Variants in KIF5C observed in about 807,000 individuals in gnomAD.
The protein encoded by KIF5C is kinesin heavy chain isoform 5C.
Under a neutral mutation model 125.2 loss-of-function variants are expected in KIF5C, and 18 were observed. The observed-to-expected ratio is 0.14, with a 90% CI of 0.10 to 0.21. KIF5C has a LOEUF of 0.21. Among genes scored for constraint, KIF5C ranks in the 10% least tolerant of loss-of-function variants. The pLI, the probability that KIF5C is intolerant of heterozygous loss-of-function variation, is 1.00. For missense variants in KIF5C, 780 were observed against 1,183.8 expected, an observed-to-expected ratio of 0.66 and a Z score of 5.01; for synonymous variants, 405 against 434.0, an observed-to-expected ratio of 0.93 and a Z score of 0.83.
Position 149,026,091 on chromosome 2 carries a change from TAAC to T in KIF5C, c.*3024_*3026del, listed in dbSNP as rs1314058753. On this transcript the variant is annotated 3_prime_UTR_variant, in exon 26 of 26. Coordinates refer to ENST00000435030, the MANE Select transcript of KIF5C (RefSeq NM_004522.3). ...AAATAACAAAGCAAATAAAAGTTCT[TAAC>T]AATCCCCTCTTTCGAAGTGCATTTT... 6.6e-6 allele frequency: 1 copy of T among 152,632 alleles called. No homozygotes were observed. The highest frequency in any genetic ancestry group is 1.5e-5 in the Non-Finnish European group (1 of 68,038). The allele number at this position is 152,632 out of a possible 1,614,324, so 9.5% of individuals were successfully genotyped here. A position where few individuals can be genotyped will look rare whatever the true frequency, so the allele number is the denominator to read the frequency against.
chr2:148,969,530 T>TC, intron 11 of KIF5C, among the ~76,000 whole-genome samples: 1 of 145,778 alleles, frequency 6.9e-6, no homozygotes, highest in African/African-American at 2.8e-5. Flanking sequence ...ACAGCAGGTA[T>TC]AAGCCTCCGG....
At chr2:148,997,473 C>T (rs1222134957) in intron 18 of KIF5C, 133 bp downstream of exon 18, 1 of 1,481,100 alleles carries the variant, frequency 6.8e-7, no homozygotes, top group African/African-American at 1.4e-5. Context: ...TGTTGTTGGG[C>T]ATTCAGAGTC....
intron 2 of KIF5C, among the ~76,000 whole-genome samples, 168 bp from the exon 3 acceptor site, chr2:148,929,113 T>C (rs1682111576): frequency 1.3e-5 from 2 of 152,240 alleles, no homozygotes; most frequent in Non-Finnish European, 2.9e-5. Context: ...TTCTTTCCAT[T>C]TGTAGAACAA....
intron 1 of KIF5C, 120 bp downstream of exon 1, chr2:148,875,863 C>T: frequency 1.4e-6 from 2 of 1,394,304 alleles, no homozygotes; most frequent in Middle Eastern, 5.2e-4. Context: ...GGGCTGGCCT[C>T]TCGGGTGGAC....
intron 3 of KIF5C, among the ~76,000 whole-genome samples, chr2:148,931,148 AAACAACAAC>A (rs533357706): frequency 6.6e-6 from 1 of 152,044 alleles, no homozygotes; most frequent in African/African-American, 2.4e-5. Context: ...ATATAATGCC[AAACAACAAC>A]AACAACAACA....
chr2:149,010,472 G>T, intron 24 of KIF5C, 121 bp downstream of exon 24: 1 of 1,439,866 alleles, frequency 6.9e-7, no homozygotes, highest in Non-Finnish European at 9.1e-7. Context: ...CTGGGTTGGA[G>T]CCCGCAGGAC....
chr2:148,882,629 C>T lies in KIF5C; in HGVS notation c.126+6886C>T, dbSNP rs865839219. 5.3e-5 allele frequency among the ~76,000 whole-genome samples: 8 copies of T among 152,304 alleles called. No individual in the cohort carries two copies. The Middle Eastern group carries it at 0.014, about 259-fold the overall frequency. On this transcript the variant is annotated intron_variant, in intron 1 of 25. Transcript: ENST00000435030. ...CAGCTGCTCACATCAACCCAAATGC[C>T]TGGGGAGACTGTCCTCAAAGCTCAC...
intron 25 of KIF5C, among the ~76,000 whole-genome samples, chr2:149,021,615 G>A (rs977007900): frequency 2.0e-5 from 3 of 151,966 alleles, no homozygotes; most frequent in East Asian, 1.9e-4. Context: ...GCATGGTAGC[G>A]GGAATCTGAG....
At chr2:148,998,374 C>T in intron 18 of KIF5C, 26 bp from the exon 19 acceptor site, 1 of 1,553,524 alleles carries the variant, frequency 6.4e-7, no homozygotes, top group Non-Finnish European at 8.7e-7. Flanking sequence ...GAGTAGATGA[C>T]ATGTTTCTCT....
At chr2:148,925,955 C>T (rs998215110) in intron 2 of KIF5C, among the ~76,000 whole-genome samples, 4 of 152,154 alleles carry the variant, frequency 2.6e-5, no homozygotes, top group South Asian at 2.1e-4. Context: ...TCAGCAGGAC[C>T]GCCTCATCAT....
rs1029007543 is a variant in KIF5C at position 149,005,493 on chromosome 2, A to G, written c.2445+29A>G. The G allele has an allele frequency of 1.9e-6, 3 of 1,611,398 alleles. No individual in the cohort carries two copies. The African/African-American group carries it at 4.0e-5, about 21-fold the overall frequency. ...AGTTCTCTTTGTCTGAATGGGACTG[A>G]GAAGAAAATCAAAGATGGCAGGGAA... On this transcript the variant is annotated intron_variant, in intron 22 of 25. Transcript: ENST00000435030.
In KIF5C at chr2:148,896,925, C is replaced by T. The variant is rs569267645; in HGVS notation, c.126+21182C>T. Among the ~76,000 whole-genome samples the T allele has an allele frequency of 1.9e-3, 287 of 152,218 alleles. 1 individual carries two copies. Among genetic ancestry groups the T allele is most frequent in the South Asian group, 4.4e-3 (21 of 4,820 alleles). On this transcript the variant is annotated intron_variant, in intron 1 of 25. Coordinates refer to ENST00000435030, the MANE Select transcript of KIF5C (RefSeq NM_004522.3). Reference sequence around the variant, plus strand: ...AGGGCTCACTGCAGCCTCCAGCTCCCAGGTTCAGGCGATTCTCCTGCCTCA... The same window carrying T: ...AGGGCTCACTGCAGCCTCCAGCTCCTAGGTTCAGGCGATTCTCCTGCCTCA...
intron 19 of KIF5C, among the ~76,000 whole-genome samples, chr2:148,999,161 C>G (rs1681772472): frequency 6.6e-6 from 1 of 152,204 alleles, no homozygotes; most frequent in Non-Finnish European, 1.5e-5. Context: ...GCCCTCTGCT[C>G]CTTCAGAATA....
At chr2:148,926,321 C>T (rs1048932120) in intron 2 of KIF5C, among the ~76,000 whole-genome samples, 1 of 152,218 alleles carries the variant, frequency 6.6e-6, no homozygotes, top group African/African-American at 2.4e-5. Flanking sequence ...TGGAAGAGTG[C>T]TGTGGCCCCG....
At chr2:148,958,845 G>A (rs1047917470) in intron 10 of KIF5C, among the ~76,000 whole-genome samples, 13 of 151,880 alleles carry the variant, frequency 8.6e-5, no homozygotes, top group Admixed American at 7.2e-4. Flanking sequence ...TTAGCTGGGC[G>A]TGGTGGCGGG....
chr2:148,956,134 T>C (rs1682785803), intron 10 of KIF5C, among the ~76,000 whole-genome samples: 1 of 152,158 alleles, frequency 6.6e-6, no homozygotes. Context: ...CAAGGAGGGC[T>C]TCGTTCAAGT....
chr2:148,997,017 T>C (rs1012258523), intron 17 of KIF5C, among the ~76,000 whole-genome samples: 5 of 152,108 alleles, frequency 3.3e-5, no homozygotes, highest in African/African-American at 9.7e-5. Flanking sequence ...CCAGTGAGCA[T>C]TGTCCCCCAG....
intron 11 of KIF5C, among the ~76,000 whole-genome samples, chr2:148,963,950 C>A (rs1682988642): frequency 6.6e-6 from 1 of 152,144 alleles, no homozygotes. Flanking sequence ...TTTTTGGCCT[C>A]TTTACTTGGA....
At chr2:148,881,471 A>G (rs4358068) in intron 1 of KIF5C, among the ~76,000 whole-genome samples, 151,499 of 152,198 alleles carry the variant, frequency 1, 75,404 homozygotes, top group Middle Eastern at 1. Flanking sequence ...TAGTTGTGTA[A>G]TTGCTTAGTA....
Sources: allele counts gnomAD v4.1 joint callset (sites outside exome capture counted in the v4.1 genomes callset), GRCh38; gene constraint gnomAD v4.1.1; transcripts MANE v1.5; gene names NCBI Gene and HGNC (gene_info 2026-07-23, HGNC 2026-07-21).